Variants in NPLOC4 observed in about 807,000 individuals in gnomAD.
NPLOC4 encodes NPL4 homolog, ubiquitin recognition factor.
Under a neutral mutation model 80.6 loss-of-function variants are expected in NPLOC4, and 18 were observed. That is an observed-to-expected ratio of 0.22 (90% confidence interval 0.15 to 0.33). The LOEUF (loss-of-function observed/expected upper bound fraction) is 0.33, where lower values mean the gene tolerates loss of function less well. Among genes scored for constraint, NPLOC4 ranks in the 10% least tolerant of loss-of-function variants. The pLI, the probability that NPLOC4 is intolerant of heterozygous loss-of-function variation, is 1.00. For missense variants in NPLOC4, 540 were observed against 786.1 expected (o/e 0.69, Z 3.74); for synonymous variants, 313 against 301.5 (o/e 1.04, Z -0.39).
intron 2 of NPLOC4, 45 bp downstream of exon 2, chr17:81,629,680 G>T: frequency 7.4e-7 from 1 of 1,353,584 alleles, no homozygotes; most frequent in Non-Finnish European, 1.1e-6. Context: ...AGTAAGAGTA[G>T]AGGATGAAAA....
At chr17:81,566,152 C>T (rs2034005639) in intron 15 of NPLOC4, among the ~76,000 whole-genome samples, 1 of 152,108 alleles carries the variant, frequency 6.6e-6, no homozygotes, top group African/African-American at 2.4e-5. Context: ...GCAAACGTGG[C>T]GAAACCCCGT....
At chr17:81,565,221 C>T (rs757513799) in intron 16 of NPLOC4, 96 of 649,190 alleles carry the variant, frequency 1.5e-4, no homozygotes, top group Middle Eastern at 7.1e-4. Context: ...TCAAAGTGCT[C>T]CTAGGATGCC....
intron 1 of NPLOC4, among the ~76,000 whole-genome samples, chr17:81,632,515 C>T (rs1382729584): frequency 3.3e-5 from 5 of 151,832 alleles, no homozygotes; most frequent in South Asian, 2.1e-4. Flanking sequence ...GATTTCACCA[C>T]GTTGGCCAGG....
chr17:81,618,467 C>A (rs1175528778), intron 3 of NPLOC4, among the ~76,000 whole-genome samples: 1 of 144,184 alleles, frequency 6.9e-6, no homozygotes, highest in Non-Finnish European at 1.5e-5. Flanking sequence ...CTGGCAGCCA[C>A]CCCGTCCGGG....
chr17:81,567,552 AC>A lies in NPLOC4; in HGVS notation c.1450-20del, dbSNP rs1222095017. 2 of 1,475,468 alleles carry A rather than the reference AC, an allele frequency of 1.4e-6. No homozygotes were observed. Among genetic ancestry groups the A allele is most frequent in the Non-Finnish European group, 1.9e-6 (2 of 1,057,994 alleles). The allele number at this position is 1,475,468 out of a possible 1,614,324, so 91.4% of individuals were successfully genotyped here. A position where few individuals can be genotyped will look rare whatever the true frequency, so the allele number is the denominator to read the frequency against. ...GGAAGTCCTAGAGGAATGGGAATAA[AC>A]ATGAATGTTCCATACAGTTCCCCAG... On this transcript the variant is annotated intron_variant, in intron 14 of 16. Transcript: ENST00000331134. This position sits in a 1 kb window ranked among gnomAD's most constrained non-coding sequence, Gnocchi z 4.5.
In NPLOC4 at chr17:81,569,128, C is replaced by G; in HGVS notation, c.1354-17G>C. The G allele has an allele frequency of 6.4e-7, 1 of 1,551,336 alleles. No individual in the cohort carries two copies. The highest frequency in any genetic ancestry group is 1.1e-5 in the South Asian group (1 of 89,818). Reference sequence around the variant, plus strand: ...TGTTGTGATCTAATGAAGAAAAACACAAACCCATGATAAATGAGGCTGAAA... The same window carrying G: ...TGTTGTGATCTAATGAAGAAAAACAGAAACCCATGATAAATGAGGCTGAAA... On this transcript the variant is annotated splice_polypyrimidine_tract_variant and intron_variant, in intron 13 of 16. Coordinates refer to ENST00000331134, the MANE Select transcript of NPLOC4 (RefSeq NM_017921.4).
chr17:81,571,600 G>A (rs1409426663), intron 13 of NPLOC4, among the ~76,000 whole-genome samples: 1 of 152,198 alleles, frequency 6.6e-6, no homozygotes, highest in Non-Finnish European at 1.5e-5. Context: ...GCACCTGCAC[G>A]TGCAGGACAG....
intron 11 of NPLOC4, among the ~76,000 whole-genome samples, chr17:81,592,159 G>A (rs138858708): frequency 6.6e-6 from 1 of 152,328 alleles, no homozygotes; most frequent in African/African-American, 2.4e-5. Context: ...GTCGGCAGGG[G>A]CGCCCCGCAC....
At chr17:81,604,520 T>C in intron 8 of NPLOC4, 28 bp downstream of exon 8, 4 of 1,602,966 alleles carry the variant, frequency 2.5e-6, no homozygotes, top group Non-Finnish European at 3.4e-6. Context: ...ACACAGAAAC[T>C]CAGGAACTTG....
At chr17:81,595,569 G>C (rs536493009) in intron 11 of NPLOC4, among the ~76,000 whole-genome samples, 46 of 144,284 alleles carry the variant, frequency 3.2e-4, no homozygotes, top group African/African-American at 1.1e-3. Flanking sequence ...TTTTGAGACA[G>C]AGGCTCACCC....
chr17:81,574,192 T>C lies in NPLOC4; in HGVS notation c.1282-2104A>G, dbSNP rs75946256. The stretch of plus-strand genomic sequence containing the variant: ...AGCCCATCTGGAATTCATCTTCAAA[T>C]CTAATTAAGCTCTAATATGCAGAAA... On this transcript the variant is annotated intron_variant, in intron 12 of 16. Transcript: ENST00000331134. Among the ~76,000 whole-genome samples the C allele has an allele frequency of 3.6e-3, 550 of 152,358 alleles. 6 individuals are homozygous for C. Among genetic ancestry groups the C allele is most frequent in the African/African-American group, 0.011 (465 of 41,584 alleles).
At chr17:81,612,650 TCAGA>T (rs998905153) in intron 4 of NPLOC4, 1 of 152,196 alleles carries the variant, frequency 6.6e-6, no homozygotes, top group East Asian at 1.9e-4. Context: ...CAACCTTCGC[TCAGA>T]CAATTTCACA....
At chr17:81,619,145 T>C (rs1340413759) in intron 3 of NPLOC4, among the ~76,000 whole-genome samples, 2 of 151,598 alleles carry the variant, frequency 1.3e-5, no homozygotes, top group African/African-American at 4.9e-5. Context: ...CCCTCCACTA[T>C]TGTCCTATGA....
Position 81,561,727 on chromosome 17 carries a change from G to A in NPLOC4, c.1670-2311C>T, listed in dbSNP as rs1362055773. The A allele has an allele frequency of 2.0e-5, 3 of 152,064 alleles. No individual in the cohort carries two copies. The East Asian group carries it at 5.8e-4, about 29-fold the overall frequency. The allele number at this position is 152,064 out of a possible 1,614,324, so 9.4% of individuals were successfully genotyped here. ...CTCCCCAGAAGCTGGGATTATAGGC[G>A]TGGACCACTCACCATGCCCAGCTAA... is the stretch of plus-strand genomic sequence containing the variant. On this transcript the variant is annotated intron_variant, in intron 16 of 16. Coordinates refer to ENST00000331134, the MANE Select transcript of NPLOC4 (RefSeq NM_017921.4).
chr17:81,631,436 ATTTTTTTTT>A (rs70938164), intron 1 of NPLOC4, among the ~76,000 whole-genome samples: 10,556 of 117,018 alleles, frequency 0.09, 923 homozygotes, highest in Admixed American at 0.19. Context: ...ATATATATAT[ATTTTTTTTT>A]TTTTTTTTTT....
At chr17:81,631,569 G>A (rs1038709669) in intron 1 of NPLOC4, among the ~76,000 whole-genome samples, 1 of 151,770 alleles carries the variant, frequency 6.6e-6, no homozygotes, top group Non-Finnish European at 1.5e-5. Context: ...CCATCGTGAA[G>A]GTGAGTTATC....
chr17:81,595,534 A>ATTTTTTTTTTT (rs113450373), intron 11 of NPLOC4, among the ~76,000 whole-genome samples: 1 of 139,654 alleles, frequency 7.2e-6, no homozygotes, highest in Non-Finnish European at 1.5e-5. Context: ...ATATATATAT[A>ATTTTTTTTTTT]TTTTTTTTTT....
In NPLOC4 at chr17:81,637,097, G is replaced by A. The variant is rs1000202766; in HGVS notation, c.-167C>T. 12 of 369,120 alleles carry A rather than the reference G, an allele frequency of 3.3e-5. No individual in the cohort carries two copies. Among genetic ancestry groups the A allele is most frequent in the African/African-American group, 2.5e-4 (12 of 47,222 alleles). 22.9% of individuals were successfully genotyped at this position (369,120 alleles called of 1,614,324 possible). A position where few individuals can be genotyped will look rare whatever the true frequency, so the allele number is the denominator to read the frequency against. ...GGCTCCGCCAGCCGCCGACGTCCCGGTGCCTCGCTCAATACGCTCCCCTCG... is the reference window on the plus strand; with the variant it reads ...GGCTCCGCCAGCCGCCGACGTCCCGATGCCTCGCTCAATACGCTCCCCTCG... On this transcript the variant is annotated 5_prime_UTR_variant, in exon 1 of 17. Coordinates refer to ENST00000331134, the MANE Select transcript of NPLOC4 (RefSeq NM_017921.4).
At chr17:81,613,561 G>A in intron 3 of NPLOC4, 67 bp from the exon 4 acceptor site, 9 of 1,491,832 alleles carry the variant, frequency 6.0e-6, no homozygotes, top group South Asian at 1.3e-5. Flanking sequence ...AGCCCAACTT[G>A]GATATCTGCA....
Sources: allele counts gnomAD v4.1 joint callset (sites outside exome capture counted in the v4.1 genomes callset), GRCh38; gene constraint gnomAD v4.1.1; non-coding constraint Gnocchi (gnomAD v3.1); transcripts MANE v1.5; gene names NCBI Gene and HGNC (gene_info 2026-07-23, HGNC 2026-07-21).